Variants in TRERF1 observed in about 807,000 individuals in gnomAD.
TRERF1 encodes the protein transcriptional regulating factor 1.
In TRERF1, 27 loss-of-function variants were observed where a neutral mutation model predicts 122.9. The observed-to-expected ratio is 0.22, with a 90% CI of 0.16 to 0.30. TRERF1 has a LOEUF of 0.30. Among genes scored for constraint, TRERF1 ranks in the 10% least tolerant of loss-of-function variants. TRERF1 has a pLI of 1.00. For synonymous variants in TRERF1, 636 were observed against 641.7 expected, an observed-to-expected ratio of 0.99 and a Z score of 0.13; for missense variants, 1,248 against 1,560.3, an observed-to-expected ratio of 0.80 and a Z score of 3.37.
chr6:42,429,419 A>G (rs1784138671), intron 2 of TRERF1, among the ~76,000 whole-genome samples: 1 of 152,056 alleles, frequency 6.6e-6, no homozygotes, highest in Non-Finnish European at 1.5e-5. Flanking sequence ...AAAACCACGG[A>G]GGGGGGGAAA....
intron 2 of TRERF1, among the ~76,000 whole-genome samples, chr6:42,430,095 T>C (rs929685685): frequency 5.3e-5 from 8 of 151,388 alleles, no homozygotes; most frequent in African/African-American, 1.9e-4. Context: ...GGAGGAGAGC[T>C]GTAGAAAGAC....
At chr6:42,239,147 A>G (rs553675451) in intron 15 of TRERF1, among the ~76,000 whole-genome samples, 1 of 152,316 alleles carries the variant, frequency 6.6e-6, no homozygotes, top group African/African-American at 2.4e-5. Context: ...AAAGGGAAGG[A>G]GGATGTTTCC....
chr6:42,380,901 C>T (rs1775801461), intron 2 of TRERF1, among the ~76,000 whole-genome samples: 1 of 152,236 alleles, frequency 6.6e-6, no homozygotes, highest in South Asian at 2.1e-4. Flanking sequence ...CTGCCTCCTC[C>T]ACTTCTGTCC....
chr6:42,277,905 G>GGAAGAAGGAAGAAGAA (rs1554141678), intron 4 of TRERF1, among the ~76,000 whole-genome samples: 31 of 85,074 alleles, frequency 3.6e-4, no homozygotes, highest in African/African-American at 9.1e-4. Flanking sequence ...GAAGGAAGAA[G>GGAAGAAGGAAGAAGAA]GAAGAAGAAG....
chr6:42,450,618 C>A (rs915569788), intron 2 of TRERF1, among the ~76,000 whole-genome samples: 2 of 152,230 alleles, frequency 1.3e-5, no homozygotes, highest in African/African-American at 4.8e-5. Flanking sequence ...GTGCTCTCGG[C>A]CTCCGCTGGT....
chr6:42,390,894 G>C (rs757206256), intron 2 of TRERF1, among the ~76,000 whole-genome samples: 1 of 152,178 alleles, frequency 6.6e-6, no homozygotes, highest in Non-Finnish European at 1.5e-5. Flanking sequence ...GGCTCTGCAG[G>C]TTACTAGGGC....
intron 15 of TRERF1, among the ~76,000 whole-genome samples, chr6:42,242,747 G>T (rs1447786264): frequency 2.0e-5 from 3 of 152,214 alleles, no homozygotes; most frequent in Non-Finnish European, 2.9e-5. Flanking sequence ...TCTACATGCA[G>T]CGAATTAGTT....
intron 2 of TRERF1, among the ~76,000 whole-genome samples, chr6:42,399,877 G>A (rs946378517): frequency 6.6e-6 from 1 of 152,130 alleles, no homozygotes; most frequent in Non-Finnish European, 1.5e-5. Context: ...ATCCTCTATG[G>A]TGTGGTAGTG....
At chr6:42,398,897 C>T (rs1002166143) in intron 2 of TRERF1, among the ~76,000 whole-genome samples, 1 of 152,204 alleles carries the variant, frequency 6.6e-6, no homozygotes, top group Non-Finnish European at 1.5e-5. Flanking sequence ...CAGGTAACAC[C>T]AATGCTCTGG....
At chr6:42,235,302 T>C (rs1029440562) in intron 16 of TRERF1, among the ~76,000 whole-genome samples, 1 of 152,222 alleles carries the variant, frequency 6.6e-6, no homozygotes, top group African/African-American at 2.4e-5. Flanking sequence ...CAACATTATT[T>C]TGAGGGGTAA....
At chr6:42,327,984 A>C (rs1458447413) in intron 3 of TRERF1, among the ~76,000 whole-genome samples, 1 of 145,890 alleles carries the variant, frequency 6.9e-6, no homozygotes, top group African/African-American at 2.5e-5. Flanking sequence ...TACTATCCCT[A>C]ATTTTCTTTT....
chr6:42,246,388 T>C, intron 14 of TRERF1, 68 bp downstream of exon 14: 1 of 1,163,666 alleles, frequency 8.6e-7, no homozygotes, highest in Non-Finnish European at 1.3e-6. Flanking sequence ...TCCAAATATT[T>C]CTAAATATTT....
At chr6:42,339,421 T>A (rs1250947098) in intron 3 of TRERF1, among the ~76,000 whole-genome samples, 1 of 152,130 alleles carries the variant, frequency 6.6e-6, no homozygotes, top group African/African-American at 2.4e-5. Flanking sequence ...AATAGCAGGG[T>A]CGGAAAACCA....
Position 42,259,698 on chromosome 6 carries a change from C to T in TRERF1, c.1910G>A (p.Ser637Asn). The T allele has an allele frequency of 6.2e-7, 1 of 1,604,564 alleles. No homozygotes were observed. The highest frequency in any genetic ancestry group is 8.5e-7 in the Non-Finnish European group (1 of 1,179,964). ...GAGGGGCTCCTCGGCTTTGGGCACA[C>T]TCGGCTGATGCTTCCTGGGGATTTC... is the stretch of plus-strand genomic sequence containing the variant. Residue 637 changes from serine to asparagine, a missense_variant, in exon 9 of 18, where the codon AGT (serine) becomes AAT (asparagine). Transcript: ENST00000372922. The surrounding 1 kb of genome is among the most constrained non-coding windows in gnomAD (Gnocchi z 4.9).
At chr6:42,291,612 C>A (rs1259698967) in intron 4 of TRERF1, among the ~76,000 whole-genome samples, 1 of 152,086 alleles carries the variant, frequency 6.6e-6, no homozygotes, top group Non-Finnish European at 1.5e-5. Context: ...CGGCTCACTG[C>A]AAGCTCTGCC....
chr6:42,387,330 C>A (rs56272440), intron 2 of TRERF1, among the ~76,000 whole-genome samples: 6 of 152,326 alleles, frequency 3.9e-5, no homozygotes, highest in South Asian at 2.1e-4. Flanking sequence ...TTCTTACTAG[C>A]GAAGTCCAAG....
At chr6:42,377,179 T>A (rs1354797209) in intron 2 of TRERF1, among the ~76,000 whole-genome samples, 2 of 152,208 alleles carry the variant, frequency 1.3e-5, no homozygotes, top group Non-Finnish European at 2.9e-5. Context: ...AAATAAAAAT[T>A]TAATTAGCAT....
chr6:42,273,836 T>G (rs1780681513), intron 4 of TRERF1, among the ~76,000 whole-genome samples: 1 of 152,222 alleles, frequency 6.6e-6, no homozygotes. Context: ...AAGAATTACT[T>G]GTTGAAACTC....
chr6:42,421,298 T>C (rs1187747557), intron 2 of TRERF1, among the ~76,000 whole-genome samples: 1 of 152,188 alleles, frequency 6.6e-6, no homozygotes, highest in East Asian at 1.9e-4. Flanking sequence ...CCATTCTTAC[T>C]CTCACTAATT....
Sources: allele counts gnomAD v4.1 joint callset (sites outside exome capture counted in the v4.1 genomes callset), GRCh38; gene constraint gnomAD v4.1.1; non-coding constraint Gnocchi (gnomAD v3.1); transcripts MANE v1.5; gene names NCBI Gene and HGNC (gene_info 2026-07-23, HGNC 2026-07-21).